Variants in GPC5 observed in about 807,000 individuals in gnomAD.
GPC5 encodes glypican 5.
Under a neutral mutation model 53.9 loss-of-function variants are expected in GPC5, and 47 were observed. The observed-to-expected ratio is 0.87, with a 90% CI of 0.69 to 1.11. GPC5 has a LOEUF of 1.11. Among genes scored for constraint, GPC5 ranks in the 50% most tolerant of loss-of-function variants. The probability of loss-of-function intolerance (pLI) is 0.00; values close to 1 mark genes in which losing one functional copy is unlikely to be tolerated. For missense variants in GPC5, 748 were observed against 713.1 expected (o/e 1.05, Z -0.56); for synonymous variants, 286 against 263.3 (o/e 1.09, Z -0.84).
At chr13:91,503,389 C>A (rs952456898) in intron 2 of GPC5, among the ~76,000 whole-genome samples, 1 of 151,628 alleles carries the variant, frequency 6.6e-6, no homozygotes, top group Non-Finnish European at 1.5e-5. Context: ...TCCAGCTCCA[C>A]CCCTTCTGTA....
intron 2 of GPC5, among the ~76,000 whole-genome samples, chr13:91,663,424 C>CT (rs886867262): frequency 5.9e-5 from 9 of 152,064 alleles, no homozygotes; most frequent in Non-Finnish European, 1.5e-5. Flanking sequence ...ATTTTAGCCT[C>CT]TTTTTTCCCC....
chr13:92,758,994 GTTTTTTT>G (rs68182839), intron 7 of GPC5, among the ~76,000 whole-genome samples: 4 of 70,566 alleles, frequency 5.7e-5, no homozygotes, highest in Non-Finnish European at 7.0e-5. Context: ...TCCCATTGCG[GTTTTTTT>G]TTTTTTTTTT....
intron 2 of GPC5, among the ~76,000 whole-genome samples, chr13:91,525,631 G>C (rs1397451605): frequency 6.6e-6 from 1 of 152,202 alleles, no homozygotes; most frequent in African/African-American, 2.4e-5. Flanking sequence ...GAGGAAAGAA[G>C]TAAGTGCATG....
chr13:91,428,242 G>A (rs1310080632), intron 1 of GPC5, among the ~76,000 whole-genome samples: 1 of 152,192 alleles, frequency 6.6e-6, no homozygotes, highest in Non-Finnish European at 1.5e-5. Context: ...TGCAGTCACT[G>A]GAGAGTGAGT....
At chr13:91,885,090 C>G (rs1166027613) in intron 5 of GPC5, among the ~76,000 whole-genome samples, 1 of 152,086 alleles carries the variant, frequency 6.6e-6, no homozygotes, top group Non-Finnish European at 1.5e-5. Flanking sequence ...TGTCCCCTTG[C>G]AGGATTTTGG....
chr13:91,977,091 AAG>A (rs1847820415), intron 6 of GPC5, among the ~76,000 whole-genome samples: 1 of 151,686 alleles, frequency 6.6e-6, no homozygotes, highest in African/African-American at 2.4e-5. Context: ...TAAAATAACC[AAG>A]AGAGTCAATT....
intron 2 of GPC5, among the ~76,000 whole-genome samples, chr13:91,525,245 AG>A (rs1310059064): frequency 6.6e-6 from 1 of 152,216 alleles, no homozygotes; most frequent in Non-Finnish European, 1.5e-5. Context: ...AAAATTTTTT[AG>A]AGCATCCTGA....
At position 92,866,554 on chromosome 13, in the gene GPC5, GT is replaced by G; in HGVS notation, c.*117del. The G allele has an allele frequency of 1.1e-6, 1 of 896,894 alleles. No homozygotes were observed. Among genetic ancestry groups the G allele is most frequent in the Non-Finnish European group, 1.6e-6 (1 of 631,202 alleles). 55.6% of individuals were successfully genotyped at this position (896,894 alleles called of 1,614,324 possible). A position where few individuals can be genotyped will look rare whatever the true frequency, so the allele number is the denominator to read the frequency against. ...AACAATTATATTTATGAAAAGATAT[GT>G]TACACTAACTTCTCAGAAGCCAAGC... On this transcript the variant is annotated 3_prime_UTR_variant, in exon 8 of 8. Coordinates refer to ENST00000377067, the MANE Select transcript of GPC5 (RefSeq NM_004466.6).
chr13:92,027,106 A>T (rs2040807010), intron 6 of GPC5, among the ~76,000 whole-genome samples: 1 of 152,244 alleles, frequency 6.6e-6, no homozygotes, highest in African/African-American at 2.4e-5. Context: ...AAATCATAAA[A>T]GATTCATGTG....
chr13:91,585,334 G>A (rs1310742646), intron 2 of GPC5, among the ~76,000 whole-genome samples: 1 of 152,124 alleles, frequency 6.6e-6, no homozygotes, highest in East Asian at 1.9e-4. Flanking sequence ...TAAGAGAGAT[G>A]TAAAACAAAG....
intron 7 of GPC5, among the ~76,000 whole-genome samples, chr13:92,805,498 A>G (rs1877061984): frequency 6.6e-6 from 1 of 152,036 alleles, no homozygotes; most frequent in South Asian, 2.1e-4. Flanking sequence ...GTGCACGGGC[A>G]TGATCATGCC....
chr13:92,034,981 G>T (rs1182116120), intron 6 of GPC5, among the ~76,000 whole-genome samples: 5 of 152,110 alleles, frequency 3.3e-5, no homozygotes, highest in African/African-American at 9.7e-5. Flanking sequence ...ACATAAAATA[G>T]TTGCTTACAC....
At chr13:92,697,693 C>A (rs761711504) in intron 7 of GPC5, among the ~76,000 whole-genome samples, 1 of 152,138 alleles carries the variant, frequency 6.6e-6, no homozygotes, top group Admixed American at 6.6e-5. Context: ...TTATTTATTT[C>A]TCTTACCTGA....
At chr13:92,865,794 TA>T (rs1879317106) in intron 7 of GPC5, among the ~76,000 whole-genome samples, 2 of 152,006 alleles carry the variant, frequency 1.3e-5, no homozygotes, top group South Asian at 4.1e-4. Flanking sequence ...AAAATGAAAA[TA>T]AATTTGAAAA....
chr13:91,910,685 G>A (rs1200660564), intron 6 of GPC5, among the ~76,000 whole-genome samples: 1 of 152,028 alleles, frequency 6.6e-6, no homozygotes, highest in African/African-American at 2.4e-5. Flanking sequence ...AGTCACTAAG[G>A]AAATAGATAA....
rs76676464 is a variant in GPC5, at chr13:91,608,544, C to T, written c.326-84643C>T. Among the ~76,000 whole-genome samples, 1,069 of 152,156 alleles carry T rather than the reference C, an allele frequency of 7.0e-3. 15 individuals are homozygous for T. Among genetic ancestry groups the T allele is most frequent in the African/African-American group, 0.025 (1,018 of 41,512 alleles). On this transcript the variant is annotated intron_variant, in intron 2 of 7. Transcript: ENST00000377067. The stretch of plus-strand genomic sequence containing the variant: ...GTGTCCACTCACACACTTATTTGTC[C>T]CTTATGGGTGCTTTGTGACTGCAGC...
intron 7 of GPC5, chr13:92,446,784 C>A (rs1298080651): frequency 6.6e-6 from 1 of 152,108 alleles, no homozygotes; most frequent in Admixed American, 6.6e-5. Flanking sequence ...CACATCCTTG[C>A]CAGCATTTGT....
intron 7 of GPC5, among the ~76,000 whole-genome samples, chr13:92,787,745 CACAT>C (rs1157577343): frequency 8.9e-5 from 13 of 145,776 alleles, no homozygotes; most frequent in Admixed American, 2.1e-4. Context: ...GGCATGGTGA[CACAT>C]ACTTATAGTC....
At chr13:91,917,045 A>G (rs1011483948) in intron 6 of GPC5, among the ~76,000 whole-genome samples, 2 of 152,312 alleles carry the variant, frequency 1.3e-5, no homozygotes, top group African/African-American at 4.8e-5. Context: ...ATTTTAACTA[A>G]TTCTAGCATT....
Sources: gnomAD v4.1 joint callset for allele counts (sites outside exome capture counted in the v4.1 genomes callset) on GRCh38, gnomAD v4.1.1 for gene constraint, MANE v1.5 for transcripts, NCBI Gene and HGNC (gene_info 2026-07-23, HGNC 2026-07-21) for gene names.